PIK3C2G: variants seen among roughly 807,000 people sequenced by gnomAD.
PIK3C2G encodes the protein phosphatidylinositol 3-kinase C2 domain-containing subunit gamma.
A neutral mutation model predicts 181.1 loss-of-function variants in PIK3C2G; 168 were observed. The ratio of observed to expected loss-of-function variants is 0.93; its 90% CI spans 0.82 to 1.05. The LOEUF (loss-of-function observed/expected upper bound fraction) is 1.05, where lower values mean the gene tolerates loss of function less well. PIK3C2G is among the 50% of genes least tolerant of loss of function. The probability of loss-of-function intolerance (pLI) is 0.00; values close to 1 mark genes in which losing one functional copy is unlikely to be tolerated. For missense variants in PIK3C2G, 1,869 were observed against 1,732.8 expected (o/e 1.08, Z -1.40); for synonymous variants, 573 against 592.2 (o/e 0.97, Z 0.47).
At chr12:18,275,444 T>C (rs888830405) in intron 1 of PIK3C2G, among the ~76,000 whole-genome samples, 3 of 152,132 alleles carry the variant, frequency 2.0e-5, no homozygotes, top group Non-Finnish European at 4.4e-5. Context: ...TGCAGTGACA[T>C]GATCTCGACT....
intron 8 of PIK3C2G, among the ~76,000 whole-genome samples, chr12:18,335,083 C>G (rs190901339): frequency 8.5e-5 from 13 of 152,184 alleles, no homozygotes; most frequent in Admixed American, 5.9e-4. Context: ...TTTTCTTACT[C>G]AAGGGCTGAG....
At chr12:18,712,996 T>G in the PIK3C2G span, 1 of 1,613,754 alleles carries the variant, frequency 6.2e-7, no homozygotes, top group Non-Finnish European at 8.5e-7. Context: ...ACTAGCAAAA[T>G]TTCAGCAAAA....
At chr12:18,394,228 T>C (rs1333035271) in intron 15 of PIK3C2G, among the ~76,000 whole-genome samples, 1 of 152,088 alleles carries the variant, frequency 6.6e-6, no homozygotes, top group Non-Finnish European at 1.5e-5. Context: ...TGTAGTAGAC[T>C]CAACCTAACA....
chr12:18,718,305 A>G, the PIK3C2G span, among the ~76,000 whole-genome samples: 1 of 152,060 alleles, frequency 6.6e-6, no homozygotes. Flanking sequence ...CTGCTACACC[A>G]TCTTCCCAAA....
At chr12:18,698,374 G>T in the PIK3C2G span, among the ~76,000 whole-genome samples, 2 of 151,560 alleles carry the variant, frequency 1.3e-5, no homozygotes, top group African/African-American at 4.9e-5. Flanking sequence ...CAGACCTACT[G>T]AATTGATTTT....
chr12:18,693,658 A>C, the PIK3C2G span: 1 of 1,564,804 alleles, frequency 6.4e-7, no homozygotes, highest in Non-Finnish European at 8.8e-7. Flanking sequence ...GGACAAAAAG[A>C]TATGACTCCA....
intron 1 of PIK3C2G, among the ~76,000 whole-genome samples, chr12:18,275,231 C>T (rs1948932538): frequency 1.3e-5 from 2 of 152,150 alleles, no homozygotes; most frequent in Admixed American, 1.3e-4. Flanking sequence ...GACAATTTTC[C>T]TTCCCAAAAG....
chr12:18,421,545 T>A (rs1435176715), intron 17 of PIK3C2G, among the ~76,000 whole-genome samples: 1 of 151,948 alleles, frequency 6.6e-6, no homozygotes, highest in African/African-American at 2.4e-5. Context: ...TATAAAGTTA[T>A]CTAGAAATGT....
chr12:18,660,527 C>A, the PIK3C2G span, among the ~76,000 whole-genome samples: 1 of 152,058 alleles, frequency 6.6e-6, no homozygotes, highest in Non-Finnish European at 1.5e-5. Context: ...AAATTAAAAG[C>A]AACCACATAT....
chr12:18,546,085 C>CA (rs1428908500), intron 25 of PIK3C2G, among the ~76,000 whole-genome samples: 1 of 151,868 alleles, frequency 6.6e-6, no homozygotes, highest in Non-Finnish European at 1.5e-5. Context: ...TATTAATCTA[C>CA]AAGAATGTTC....
Position 18,362,871 on chromosome 12 carries a change from T to C in PIK3C2G, c.1733T>C (p.Val578Ala). Residue 578 changes from valine to alanine, a missense_variant, in exon 12 of 33, where the codon GTC becomes GCC. Coordinates refer to ENST00000538779, the MANE Select transcript of PIK3C2G (RefSeq NM_001288772.2). Reference sequence around the variant, plus strand: ...GACAAGAAATTATTTTTTTTCTTGGTCAACTGGAATGAAACGTAAGTTTAA... The same window carrying C: ...GACAAGAAATTATTTTTTTTCTTGGCCAACTGGAATGAAACGTAAGTTTAA... ...IPDKKLFFFL[V>A]NWNETINFPL... 6.6e-7 allele frequency: 1 copy of C among 1,507,976 alleles called. No homozygotes were observed. Among genetic ancestry groups the C allele is most frequent in the East Asian group, 2.5e-5 (1 of 40,372 alleles). The allele number at this position is 1,507,976 out of a possible 1,614,324, so 93.4% of individuals were successfully genotyped here.
At chr12:18,632,880 A>G (rs1028479171) in intron 31 of PIK3C2G, among the ~76,000 whole-genome samples, 2 of 152,180 alleles carry the variant, frequency 1.3e-5, no homozygotes, top group Admixed American at 6.5e-5. Flanking sequence ...AAACCCCCTC[A>G]CAGACATACC....
intron 17 of PIK3C2G, 34 bp downstream of exon 17, chr12:18,421,068 G>A (rs554991875): frequency 1.8e-6 from 2 of 1,132,678 alleles, no homozygotes; most frequent in Non-Finnish European, 2.7e-6. Flanking sequence ...GAAACCCAGG[G>A]TTTTAACTAA....
At chr12:18,500,280 A>G (rs1941341390) in intron 22 of PIK3C2G, among the ~76,000 whole-genome samples, 1 of 152,036 alleles carries the variant, frequency 6.6e-6, no homozygotes, top group African/African-American at 2.4e-5. Flanking sequence ...TGAGGAGCTT[A>G]GCACCTTGGC....
chr12:18,297,599 A>G (rs1287217098), intron 5 of PIK3C2G, among the ~76,000 whole-genome samples: 1 of 151,958 alleles, frequency 6.6e-6, no homozygotes, highest in Admixed American at 6.6e-5. Context: ...AACTGTAGTC[A>G]AACTACTGTG....
At chr12:18,568,209 G>C (rs1309066836) in intron 29 of PIK3C2G, among the ~76,000 whole-genome samples, 1 of 152,096 alleles carries the variant, frequency 6.6e-6, no homozygotes, top group Non-Finnish European at 1.5e-5. Context: ...TTGGTAGGGG[G>C]TATTATTCTG....
At chr12:18,381,040 T>C (rs1942798611) in intron 13 of PIK3C2G, among the ~76,000 whole-genome samples, 1 of 152,244 alleles carries the variant, frequency 6.6e-6, no homozygotes, top group Admixed American at 6.5e-5. Flanking sequence ...CTGACTCATA[T>C]ACCTAGCCAG....
intron 31 of PIK3C2G, among the ~76,000 whole-genome samples, chr12:18,624,023 C>T (rs1251551183): frequency 1.3e-5 from 2 of 151,610 alleles, no homozygotes; most frequent in East Asian, 3.9e-4. Context: ...GATGACTTTT[C>T]TTTCTTTCTC....
chr12:18,444,733 T>C (rs937672825), intron 18 of PIK3C2G, among the ~76,000 whole-genome samples: 4 of 152,166 alleles, frequency 2.6e-5, no homozygotes, highest in African/African-American at 9.6e-5. Flanking sequence ...ATAAACTGGA[T>C]ACTTTTAATT....
Sources: gnomAD v4.1 joint callset for allele counts (sites outside exome capture counted in the v4.1 genomes callset) on GRCh38, gnomAD v4.1.1 for gene constraint, MANE v1.5 for transcripts, NCBI Gene and HGNC (gene_info 2026-07-23, HGNC 2026-07-21) for gene names.